GLRA1: variants seen among roughly 807,000 people sequenced by gnomAD.
The protein encoded by GLRA1 is glycine receptor alpha 1.
Under a neutral mutation model 48.3 loss-of-function variants are expected in GLRA1, and 37 were observed. The observed-to-expected ratio is 0.77, with a 90% CI of 0.59 to 1.01. The LOEUF is 1.01. Ranked by LOEUF, GLRA1 falls within the 50% of genes least tolerant of loss-of-function variation. The pLI is 0.00. For missense variants in GLRA1, 427 were observed against 571.0 expected, an observed-to-expected ratio of 0.75 and a Z score of 2.57; for synonymous variants, 196 against 210.7, an observed-to-expected ratio of 0.93 and a Z score of 0.60.
At chr5:151,887,253 G>A (rs1033926090) in intron 2 of GLRA1, among the ~76,000 whole-genome samples, 1 of 152,180 alleles carries the variant, frequency 6.6e-6, no homozygotes. Context: ...ACCAGCTGAG[G>A]AATCCAGAAG....
chr5:151,921,904 A>G (rs999367493), intron 1 of GLRA1, among the ~76,000 whole-genome samples: 10 of 152,214 alleles, frequency 6.6e-5, no homozygotes, highest in African/African-American at 2.4e-4. Context: ...ATGAGCATGC[A>G]ATGCTTTTTG....
intron 8 of GLRA1, among the ~76,000 whole-genome samples, chr5:151,824,248 C>T (rs139044127): frequency 3.3e-5 from 5 of 151,876 alleles, no homozygotes; most frequent in South Asian, 2.1e-4. Context: ...CCTCCTGCCT[C>T]GGCTTCACAA....
chr5:151,923,158 A>G (rs1754920777), intron 1 of GLRA1, among the ~76,000 whole-genome samples: 1 of 152,198 alleles, frequency 6.6e-6, no homozygotes, highest in South Asian at 2.1e-4. Context: ...TTGTTTGAAC[A>G]GGAGATTAGA....
chr5:151,912,259 A>G (rs1270767456), intron 1 of GLRA1, among the ~76,000 whole-genome samples: 1 of 110,274 alleles, frequency 9.1e-6, no homozygotes, highest in Non-Finnish European at 1.7e-5. Context: ...TCCTGTGAAG[A>G]CTGTTTTTTT....
intron 8 of GLRA1, among the ~76,000 whole-genome samples, chr5:151,827,001 C>G (rs1030190304): frequency 6.8e-6 from 1 of 147,718 alleles, no homozygotes; most frequent in Non-Finnish European, 1.5e-5. Context: ...GAGATACTTA[C>G]GTTTGGTCAG....
chr5:151,877,135 T>C (rs1049257229), intron 3 of GLRA1, among the ~76,000 whole-genome samples: 14 of 152,230 alleles, frequency 9.2e-5, no homozygotes, highest in Admixed American at 8.5e-4. Context: ...TACTTTGTTA[T>C]GGTAGCACAC....
Position 151,878,873 on chromosome 5 carries a change from C to T in GLRA1, c.252+7848G>A, listed in dbSNP as rs1454007013. ...GCAGGGGTGGGGCCCTCATGGAGAACCTCTGCTAGGGCAGTGCAGAAGGGA... is the reference window on the plus strand; with the variant it reads ...GCAGGGGTGGGGCCCTCATGGAGAATCTCTGCTAGGGCAGTGCAGAAGGGA... On this transcript the variant is annotated intron_variant, in intron 3 of 8. Coordinates refer to ENST00000274576, the MANE Select transcript of GLRA1 (RefSeq NM_000171.4). Among the ~76,000 whole-genome samples, 3 of 152,232 alleles carry T rather than the reference C, an allele frequency of 2.0e-5. No individual in the cohort carries two copies. In the East Asian group the frequency reaches 5.8e-4, roughly 29 times the overall value.
At chr5:151,829,153 G>T in intron 7 of GLRA1, 86 bp from the exon 8 acceptor site, 1 of 1,345,014 alleles carries the variant, frequency 7.4e-7, no homozygotes, top group Non-Finnish European at 1.0e-6. Flanking sequence ...CTGCTCTTCG[G>T]TAATTCCCCA....
rs1763164144 is a variant in GLRA1 at position 151,822,554 on chromosome 5, CAGAG to C, written c.*115_*118del. 16 of 755,342 alleles carry C rather than the reference CAGAG, an allele frequency of 2.1e-5. No individual in the cohort carries two copies. The highest frequency in any genetic ancestry group is 3.3e-5 in the Non-Finnish European group (14 of 418,652). 46.8% of individuals were successfully genotyped at this position (755,342 alleles called of 1,614,324 possible). A position where few individuals can be genotyped will look rare whatever the true frequency, so the allele number is the denominator to read the frequency against. ...CTGCATTTTGCTATTGCACATATTG[CAGAG>C]AGAGTTGTGTAAGTGTGCCCCCTCC... On this transcript the variant is annotated 3_prime_UTR_variant, in exon 9 of 9. Coordinates refer to ENST00000274576, the MANE Select transcript of GLRA1 (RefSeq NM_000171.4).
intron 1 of GLRA1, among the ~76,000 whole-genome samples, chr5:151,893,416 T>C (rs1228291107): frequency 3.3e-5 from 5 of 151,686 alleles, no homozygotes; most frequent in African/African-American, 4.9e-5. Context: ...TAGGTATACA[T>C]GTGCCATGGT....
At chr5:151,899,638 A>G (rs1015938262) in intron 1 of GLRA1, among the ~76,000 whole-genome samples, 1 of 152,068 alleles carries the variant, frequency 6.6e-6, no homozygotes, top group Non-Finnish European at 1.5e-5. Flanking sequence ...TCTGAGTTGG[A>G]TCATCAGGTC....
intron 3 of GLRA1, among the ~76,000 whole-genome samples, chr5:151,862,374 A>G (rs1416421878): frequency 6.6e-6 from 1 of 152,242 alleles, no homozygotes; most frequent in Non-Finnish European, 1.5e-5. Flanking sequence ...GGCATGGTCA[A>G]GGACTTCATG....
chr5:151,905,270 T>C (rs1474673479), intron 1 of GLRA1, among the ~76,000 whole-genome samples: 1 of 152,104 alleles, frequency 6.6e-6, no homozygotes, highest in Non-Finnish European at 1.5e-5. Flanking sequence ...TATCTAGATA[T>C]CTACTGTTAA....
At chr5:151,914,738 CCA>C (rs1394491652) in intron 1 of GLRA1, among the ~76,000 whole-genome samples, 2 of 152,282 alleles carry the variant, frequency 1.3e-5, no homozygotes, top group East Asian at 3.9e-4. Context: ...AGAGCTCTAA[CCA>C]CACACTTTAT....
At chr5:151,823,666 A>G (rs913032685) in intron 8 of GLRA1, among the ~76,000 whole-genome samples, 1 of 152,168 alleles carries the variant, frequency 6.6e-6, no homozygotes, top group East Asian at 1.9e-4. Flanking sequence ...CTAAGTTTTC[A>G]TTCAAGACCC....
intron 3 of GLRA1, among the ~76,000 whole-genome samples, chr5:151,864,267 GTGACA>G (rs929236940): frequency 6.6e-6 from 1 of 152,166 alleles, no homozygotes; most frequent in Non-Finnish European, 1.5e-5. Context: ...GTTCTTGCCA[GTGACA>G]TGTCAAGTCC....
At chr5:151,865,761 G>A (rs576312251) in intron 3 of GLRA1, among the ~76,000 whole-genome samples, 7 of 152,248 alleles carry the variant, frequency 4.6e-5, no homozygotes, top group African/African-American at 1.4e-4. Context: ...AATGACTAAT[G>A]AAAAGTTAGA....
At chr5:151,829,887 A>G (rs1457786408) in intron 7 of GLRA1, among the ~76,000 whole-genome samples, 2 of 152,212 alleles carry the variant, frequency 1.3e-5, no homozygotes, top group East Asian at 3.8e-4. Flanking sequence ...TCACATCGTA[A>G]CATGTATCAG....
intron 3 of GLRA1, among the ~76,000 whole-genome samples, chr5:151,885,372 G>A (rs1426631827): frequency 6.6e-6 from 1 of 152,192 alleles, no homozygotes. Flanking sequence ...TAAGCAGGTT[G>A]GTACAGTGGT....
Sources: gnomAD v4.1 joint callset for allele counts (sites outside exome capture counted in the v4.1 genomes callset) on GRCh38, gnomAD v4.1.1 for gene constraint, MANE v1.5 for transcripts, NCBI Gene and HGNC (gene_info 2026-07-23, HGNC 2026-07-21) for gene names.